IL34: variants seen among roughly 807,000 people sequenced by gnomAD.
The protein encoded by IL34 is interleukin 34, also known as interleukin-34.
IL34 carries 17 observed loss-of-function variants against 25.3 expected under a neutral mutation model. The observed-to-expected ratio is 0.67, with a 90% CI of 0.46 to 1.01. IL34 has a LOEUF of 1.01. Among genes scored for constraint, IL34 ranks in the 50% least tolerant of loss-of-function variants. The pLI, the probability that IL34 is intolerant of heterozygous loss-of-function variation, is 0.00. For missense variants in IL34, 368 were observed against 312.9 expected, an observed-to-expected ratio of 1.18 and a Z score of -1.33; for synonymous variants, 174 against 140.9, an observed-to-expected ratio of 1.23 and a Z score of -1.66.
chr16:70,654,780 C>T (rs560937070), intron 2 of IL34, 109 bp downstream of exon 2: 119 of 1,342,320 alleles, frequency 8.9e-5, no homozygotes, highest in East Asian at 1.9e-4. Context: ...AGCCCTGAGC[C>T]GACCATGGCC....
At chr16:70,624,323 G>A (rs1361916079) in intron 1 of IL34, among the ~76,000 whole-genome samples, 1 of 152,086 alleles carries the variant, frequency 6.6e-6, no homozygotes, top group African/African-American at 2.4e-5. Flanking sequence ...GTGTGCTGGA[G>A]ATGTGGCTGG....
intron 1 of IL34, among the ~76,000 whole-genome samples, chr16:70,610,132 G>T (rs2051069110): frequency 2.0e-5 from 3 of 152,038 alleles, no homozygotes; most frequent in Non-Finnish European, 4.4e-5. Context: ...AACCTGGGAG[G>T]TGGAGGTTGC....
intron 1 of IL34, among the ~76,000 whole-genome samples, chr16:70,588,971 G>T (rs142540528): frequency 6.6e-6 from 1 of 152,146 alleles, no homozygotes; most frequent in African/African-American, 2.4e-5. Context: ...ATGGATGGTG[G>T]TGATGGTAAC....
At chr16:70,599,355 CTCTT>C (rs2050880355) in intron 1 of IL34, among the ~76,000 whole-genome samples, 1 of 94,510 alleles carries the variant, frequency 1.1e-5, no homozygotes, top group South Asian at 3.6e-4. Context: ...CTTTCTTTCT[CTCTT>C]TCTCTTTCTT....
chr16:70,625,701 T>C (rs1037805325), intron 1 of IL34, among the ~76,000 whole-genome samples: 3 of 151,792 alleles, frequency 2.0e-5, no homozygotes, highest in African/African-American at 7.3e-5. Flanking sequence ...GGCGCTGGAG[T>C]TTTGGGTCCA....
In IL34 at chr16:70,641,365, G is replaced by A. The variant is rs75977593; in HGVS notation, c.-400-5183G>A. Among the ~76,000 whole-genome samples the A allele has an allele frequency of 5.3e-5, 8 of 152,236 alleles. No homozygotes were observed. In the East Asian group the frequency reaches 1.2e-3, roughly 22 times the overall value. ...TCATAATGGCCAAAAGGTGGAAACA[G>A]CCCAAAAGTTCACCAACCAAGGGCA... On this transcript the variant is annotated intron_variant, in intron 1 of 6. Coordinates refer to the IL34 transcript ENST00000429149.
rs1218168391 is a variant in IL34, at chr16:70,625,866, C to A, written c.-400-20682C>A. On this transcript the variant is annotated intron_variant, in intron 1 of 6. Coordinates refer to the IL34 transcript ENST00000429149. ...AAAGAGAGTAAAAAGTGGCCACTTA[C>A]CGGATTTGAAATTGGTGAGATGTTT... Among the ~76,000 whole-genome samples the A allele has an allele frequency of 5.9e-5, 9 of 152,170 alleles. 1 individual carries two copies. Among genetic ancestry groups the A allele is most frequent in the African/African-American group, 1.7e-4 (7 of 41,430 alleles).
chr16:70,614,047 G>T (rs1408415834), intron 1 of IL34, among the ~76,000 whole-genome samples: 4 of 151,862 alleles, frequency 2.6e-5, no homozygotes, highest in African/African-American at 9.7e-5. Context: ...ATCCAGGCGT[G>T]GTGGTGCACG....
intron 1 of IL34, among the ~76,000 whole-genome samples, chr16:70,639,726 C>G (rs530999658): frequency 4.5e-4 from 69 of 152,132 alleles, no homozygotes; most frequent in African/African-American, 1.6e-3. Context: ...AGGCCGGGGT[C>G]GAGGATTGCT....
intron 1 of IL34, among the ~76,000 whole-genome samples, chr16:70,634,242 T>C (rs2051587980): frequency 6.6e-6 from 1 of 152,174 alleles, no homozygotes; most frequent in South Asian, 2.1e-4. Context: ...TGTATGCAAA[T>C]ACTCTGTTTC....
intron 1 of IL34, among the ~76,000 whole-genome samples, chr16:70,634,870 A>C (rs2051606805): frequency 6.6e-6 from 1 of 151,182 alleles, no homozygotes; most frequent in East Asian, 1.9e-4. Context: ...CTTTTGCTCA[A>C]AATAATGTTT....
chr16:70,632,488 C>T (rs1260016694), intron 1 of IL34, among the ~76,000 whole-genome samples: 1 of 152,134 alleles, frequency 6.6e-6, no homozygotes, highest in East Asian at 1.9e-4. Flanking sequence ...GGGAACACAT[C>T]TGTGAATGAA....
upstream of IL34, among the ~76,000 whole-genome samples, chr16:70,646,279 C>T (rs115616444): frequency 5.7e-3 from 874 of 152,226 alleles, 4 homozygotes; most frequent in African/African-American, 0.02. Context: ...TGGACTCTAC[C>T]ATGGCTCTCG....
At chr16:70,655,933 G>T (rs896795949) in intron 2 of IL34, among the ~76,000 whole-genome samples, 3 of 152,152 alleles carry the variant, frequency 2.0e-5, no homozygotes, top group Non-Finnish European at 4.4e-5. Flanking sequence ...ATATATAAAA[G>T]ACATAATTTA....
intron 1 of IL34, among the ~76,000 whole-genome samples, chr16:70,630,402 T>C (rs546003568): frequency 6.6e-6 from 1 of 151,960 alleles, no homozygotes; most frequent in South Asian, 2.1e-4. Flanking sequence ...TGGCTAAGTT[T>C]TGTATTTTTA....
rs756400966 is a variant in IL34, at chr16:70,654,680, G to A, written c.162+9G>A. 33 of 1,597,188 alleles carry A rather than the reference G, an allele frequency of 2.1e-5. No individual in the cohort carries two copies. Among genetic ancestry groups the A allele is most frequent in the Admixed American group, 3.4e-5 (2 of 59,340 alleles). On this transcript the variant is annotated intron_variant, in intron 2 of 5. Transcript: ENST00000288098. Reference sequence around the variant, plus strand: ...GCCGACTTCAGTACATGGTAACCACGTGGGCACCAGCTGTGTCCCTGTCCC... The same window carrying A: ...GCCGACTTCAGTACATGGTAACCACATGGGCACCAGCTGTGTCCCTGTCCC...
At chr16:70,615,830 G>A (rs552535978) in intron 1 of IL34, among the ~76,000 whole-genome samples, 7 of 152,142 alleles carry the variant, frequency 4.6e-5, no homozygotes, top group South Asian at 2.1e-4. Context: ...GTGCACACCC[G>A]TGGTCTCAGC....
At chr16:70,647,172 A>AGCTGGGTGGGCAGTTCTG (rs1388032430) in intron 1 of IL34, among the ~76,000 whole-genome samples, 197 bp downstream of exon 1, 1 of 152,236 alleles carries the variant, frequency 6.6e-6, no homozygotes, top group Non-Finnish European at 1.5e-5. Flanking sequence ...CCGACGGGCA[A>AGCTGGGTGGGCAGTTCTG]GCTGGGTGGG....
At chr16:70,612,313 A>ACTGGGGGCTGGGGG (rs560548899) in intron 1 of IL34, among the ~76,000 whole-genome samples, 58 of 150,666 alleles carry the variant, frequency 3.8e-4, no homozygotes, top group East Asian at 9.9e-4. Flanking sequence ...GCCTGAAAGC[A>ACTGGGGGCTGGGGG]CTGGGGGCTG....
Sources: gnomAD v4.1 joint callset for allele counts (sites outside exome capture counted in the v4.1 genomes callset) on GRCh38, gnomAD v4.1.1 for gene constraint, MANE v1.5 for transcripts, NCBI Gene and HGNC (gene_info 2026-07-23, HGNC 2026-07-21) for gene names.